The following TBC1D32 variants were observed in gnomAD, a reference collection of about 807,000 sequenced individuals.
TBC1D32 encodes the protein TBC1 domain family member 32.
A neutral mutation model predicts 170.3 loss-of-function variants in TBC1D32; 151 were observed. The ratio of observed to expected loss-of-function variants is 0.89; its 90% CI spans 0.78 to 1.01. The LOEUF is 1.01. TBC1D32 is among the 50% of genes least tolerant of loss of function. The pLI is 0.00. For missense variants in TBC1D32, 1,464 were observed against 1,457.1 expected (o/e 1.00, Z -0.08); for synonymous variants, 498 against 488.0 (o/e 1.02, Z -0.27).
At chr6:121,190,361 T>C (rs1729446159) in intron 22 of TBC1D32, among the ~76,000 whole-genome samples, 1 of 137,534 alleles carries the variant, frequency 7.3e-6, no homozygotes, top group Non-Finnish European at 1.6e-5. Flanking sequence ...CTTCCCTCTG[T>C]CTTCCTTCCC....
At chr6:121,134,966 C>T (rs1444926507) in intron 24 of TBC1D32, among the ~76,000 whole-genome samples, 1 of 152,092 alleles carries the variant, frequency 6.6e-6, no homozygotes, top group African/African-American at 2.4e-5. Flanking sequence ...AAAGGCCCCC[C>T]TGACTGTTCT....
intron 9 of TBC1D32, among the ~76,000 whole-genome samples, chr6:121,300,430 G>GA (rs1806290155): frequency 6.6e-6 from 1 of 152,062 alleles, no homozygotes; most frequent in Non-Finnish European, 1.5e-5. Flanking sequence ...CTGGGTGACA[G>GA]AGTGAGACTC....
At chr6:121,242,382 A>G (rs763550776) in intron 17 of TBC1D32, 43 bp from the exon 18 acceptor site, 1 of 1,587,472 alleles carries the variant, frequency 6.3e-7, no homozygotes, top group Non-Finnish European at 8.6e-7. Context: ...TTAAGATACT[A>G]AAAACTGAAA....
intron 24 of TBC1D32, among the ~76,000 whole-genome samples, chr6:121,136,389 G>A (rs1782079794): frequency 6.6e-6 from 1 of 152,150 alleles, no homozygotes; most frequent in Non-Finnish European, 1.5e-5. Context: ...TGGTTCTCAA[G>A]TGGACATGGT....
chr6:121,241,464 C>T lies in TBC1D32; in HGVS notation c.2245+1G>A. 2 of 1,611,078 alleles carry T rather than the reference C, an allele frequency of 1.2e-6. No individual in the cohort carries two copies. Among genetic ancestry groups the T allele is most frequent in the Non-Finnish European group, 8.5e-7 (1 of 1,178,338 alleles). On this transcript the variant is annotated splice_donor_variant, in intron 19 of 31. Coordinates refer to ENST00000398212, the MANE Select transcript of TBC1D32 (RefSeq NM_152730.6). LOFTEE classifies it high-confidence loss of function. ...AATTCTAATGAAAAGAAAACATTTA[C>T]CTGACTTTTTTAGTGCAATGCCACC...
chr6:121,130,375 A>G (rs573125582), intron 25 of TBC1D32, among the ~76,000 whole-genome samples: 1 of 152,042 alleles, frequency 6.6e-6, no homozygotes, highest in Non-Finnish European at 1.5e-5. Context: ...CCAGCTACTC[A>G]GGAGGCTGAA....
chr6:121,136,569 C>A (rs1415504682), intron 24 of TBC1D32, among the ~76,000 whole-genome samples: 2 of 151,798 alleles, frequency 1.3e-5, no homozygotes, highest in Non-Finnish European at 2.9e-5. Context: ...GCAAATTACC[C>A]AAAATATTAA....
intron 26 of TBC1D32, among the ~76,000 whole-genome samples, chr6:121,125,649 TCTC>T (rs1780755128): frequency 1.3e-5 from 2 of 152,000 alleles, no homozygotes; most frequent in Admixed American, 1.3e-4. Flanking sequence ...TGTGCACACA[TCTC>T]CTAGCAGGTC....
intron 15 of TBC1D32, among the ~76,000 whole-genome samples, chr6:121,261,405 C>G (rs989497222): frequency 5.3e-5 from 8 of 152,270 alleles, no homozygotes; most frequent in African/African-American, 1.9e-4. Flanking sequence ...GGTCAGAGAT[C>G]CCAGAGGAAA....
At chr6:121,254,474 A>G (rs1328914788) in intron 17 of TBC1D32, among the ~76,000 whole-genome samples, 3 of 152,228 alleles carry the variant, frequency 2.0e-5, no homozygotes, top group African/African-American at 7.2e-5. Flanking sequence ...AATAAACTAT[A>G]GAAATGCATT....
chr6:121,271,277 A>G (rs1217139352), intron 15 of TBC1D32, among the ~76,000 whole-genome samples: 1 of 152,164 alleles, frequency 6.6e-6, no homozygotes, highest in East Asian at 1.9e-4. Flanking sequence ...ATCAGGCAGG[A>G]GAAAGAAATA....
intron 12 of TBC1D32, among the ~76,000 whole-genome samples, chr6:121,286,537 G>T (rs1290802250): frequency 6.6e-6 from 1 of 152,146 alleles, no homozygotes; most frequent in Non-Finnish European, 1.5e-5. Context: ...TGGTGTACCT[G>T]AAAGTGATGG....
intron 21 of TBC1D32, among the ~76,000 whole-genome samples, chr6:121,220,932 C>T (rs185966631): frequency 6.6e-6 from 1 of 152,190 alleles, no homozygotes; most frequent in African/African-American, 2.4e-5. Context: ...TGAACAACGA[C>T]GCCCGGCCAA....
chr6:121,294,790 C>A, intron 10 of TBC1D32, 130 bp from the exon 11 acceptor site: 1 of 722,864 alleles, frequency 1.4e-6, no homozygotes, highest in Non-Finnish European at 2.4e-6. Context: ...CAGTACCTTT[C>A]TAGCCCTTAA....
chr6:121,327,064 G>A (rs1563424606), intron 1 of TBC1D32, among the ~76,000 whole-genome samples: 1 of 152,044 alleles, frequency 6.6e-6, no homozygotes, highest in Non-Finnish European at 1.5e-5. Flanking sequence ...CTATAATGGT[G>A]CCCCAGGATA....
Position 121,231,002 on chromosome 6 carries a change from T to C in TBC1D32, c.2365-7650A>G, listed in dbSNP as rs539874249. Among the ~76,000 whole-genome samples the C allele has an allele frequency of 5.3e-5, 8 of 152,206 alleles. 1 individual carries two copies. The South Asian group carries it at 1.0e-3, about 20-fold the overall frequency. On this transcript the variant is annotated intron_variant, in intron 20 of 31. Coordinates refer to ENST00000398212, the MANE Select transcript of TBC1D32 (RefSeq NM_152730.6). ...TCATTCTTATGCCTTGGTGTCCTCA[T>C]AGCTTAGCTCACACATATGAGTGAG...
chr6:121,205,418 G>A (rs1792123109), intron 21 of TBC1D32, among the ~76,000 whole-genome samples: 1 of 152,158 alleles, frequency 6.6e-6, no homozygotes, highest in Non-Finnish European at 1.5e-5. Flanking sequence ...AGTTTCCGAA[G>A]TGAATCCAGT....
intron 24 of TBC1D32, among the ~76,000 whole-genome samples, chr6:121,137,676 A>C (rs1358714384): frequency 6.6e-6 from 1 of 151,868 alleles, no homozygotes; most frequent in Non-Finnish European, 1.5e-5. Context: ...TTATTTTCTC[A>C]GGTCATACAG....
At chr6:121,286,866 T>C (rs577651189) in intron 12 of TBC1D32, among the ~76,000 whole-genome samples, 1 of 151,946 alleles carries the variant, frequency 6.6e-6, no homozygotes, top group South Asian at 2.1e-4. Flanking sequence ...TTAAAGAAAA[T>C]AATTTTCAAC....
Sources: gnomAD v4.1 joint callset for allele counts (sites outside exome capture counted in the v4.1 genomes callset) on GRCh38, gnomAD v4.1.1 for gene constraint, MANE v1.5 for transcripts, NCBI Gene and HGNC (gene_info 2026-07-23, HGNC 2026-07-21) for gene names.